The following SMYD3 variants were observed in gnomAD, a reference collection of about 807,000 sequenced individuals.
SMYD3 encodes the protein SET and MYND domain containing 3, also known as histone-lysine N-methyltransferase SMYD3.
In SMYD3, 36 loss-of-function variants were observed where a neutral mutation model predicts 57.7. The ratio of observed to expected loss-of-function variants is 0.62; its 90% CI spans 0.48 to 0.82. SMYD3 has a LOEUF of 0.82. Ranked by LOEUF, SMYD3 falls within the 40% of genes least tolerant of loss-of-function variation. The pLI, the probability that SMYD3 is intolerant of heterozygous loss-of-function variation, is 0.00. For synonymous variants in SMYD3, 211 were observed against 195.0 expected (o/e 1.08, Z -0.68); for missense variants, 515 against 538.8 (o/e 0.96, Z 0.44).
At chr1:246,326,530 T>C in intron 5 of SMYD3, 1 of 513,880 alleles carries the variant, frequency 1.9e-6, no homozygotes, top group East Asian at 3.2e-5. Context: ...TCCCAGCACT[T>C]TGGGAGGCCG....
intron 5 of SMYD3, among the ~76,000 whole-genome samples, chr1:246,045,816 A>G (rs2059953981): frequency 6.6e-6 from 1 of 152,030 alleles, no homozygotes; most frequent in African/African-American, 2.4e-5. Flanking sequence ...TGGGCAAAGG[A>G]TATGAACAGA....
intron 10 of SMYD3, among the ~76,000 whole-genome samples, chr1:245,830,179 T>C (rs1241802249): frequency 2.0e-5 from 3 of 152,212 alleles, no homozygotes; most frequent in African/African-American, 7.2e-5. Context: ...TAGTGGAAGA[T>C]GATCTCAGCA....
At chr1:246,253,158 G>A (rs76783715) in intron 5 of SMYD3, among the ~76,000 whole-genome samples, 4,580 of 152,154 alleles carry the variant, frequency 0.03, 306 homozygotes, top group East Asian at 0.24. Context: ...GGGTACATGC[G>A]CAGGTTTGTT....
chr1:246,374,644 C>A (rs533366003), intron 1 of SMYD3, among the ~76,000 whole-genome samples: 2 of 152,234 alleles, frequency 1.3e-5, no homozygotes, highest in East Asian at 3.9e-4. Flanking sequence ...GTGCTGCTGA[C>A]CCTGAGTTCA....
rs1008429646 is a variant in SMYD3, at chr1:246,327,964, C to T, written c.395-627G>A. ...ACCCCAACACTTTGGGAGGCCAAGA[C>T]GGGCAGATCACTTGAGGTCAGTAGT... On this transcript the variant is annotated intron_variant, in intron 4 of 11. Coordinates refer to ENST00000490107, the MANE Select transcript of SMYD3 (RefSeq NM_001167740.2). Among the ~76,000 whole-genome samples the T allele has an allele frequency of 4.6e-5, 7 of 152,088 alleles. No individual in the cohort carries two copies. In the East Asian group the frequency reaches 9.6e-4, roughly 21 times the overall value.
rs6666645 is a variant in SMYD3 at position 246,407,146 on chromosome 1, C to T, written c.165-52052G>A. 3.4e-4 allele frequency among the ~76,000 whole-genome samples: 48 copies of T among 139,616 alleles called. 1 individual carries two copies. The highest frequency in any genetic ancestry group is 9.8e-4 in the African/African-American group (35 of 35,768). The allele number at this position is 139,616 out of a possible 152,430, so 91.6% of individuals were successfully genotyped here. The stretch of plus-strand genomic sequence containing the variant: ...TGAAGGAGACAAAGGTGCTTATATC[C>T]CACATTATCTGTCACAATCACATAC... On this transcript the variant is annotated intron_variant, in intron 1 of 11. Coordinates refer to ENST00000490107, the MANE Select transcript of SMYD3 (RefSeq NM_001167740.2).
intron 5 of SMYD3, among the ~76,000 whole-genome samples, chr1:246,124,966 GA>G (rs1324928817): frequency 6.6e-6 from 1 of 152,014 alleles, no homozygotes; most frequent in African/African-American, 2.4e-5. Context: ...CAGCTACTGG[GA>G]AGGCTGAGGC....
chr1:245,837,744 G>A (rs1018789228), intron 10 of SMYD3, among the ~76,000 whole-genome samples: 2 of 151,996 alleles, frequency 1.3e-5, no homozygotes, highest in African/African-American at 2.4e-5. Context: ...GTCCACCCCC[G>A]GGGAATTCAG....
intron 1 of SMYD3, among the ~76,000 whole-genome samples, chr1:246,438,137 T>C (rs536974216): frequency 3.3e-5 from 5 of 152,156 alleles, no homozygotes; most frequent in African/African-American, 1.2e-4. Flanking sequence ...AAAAAGGAGA[T>C]GCATGTTAAG....
At position 245,927,983 on chromosome 1, in the gene SMYD3, T is replaced by A; in HGVS notation, c.650A>T (p.Asn217Ile). Reference protein sequence around the residue: ...SCDPNCSIVFNGPHLLLRAVR... With the variant: ...SCDPNCSIVFIGPHLLLRAVR... Reference sequence around the variant, plus strand: ...TGCTCGCAGTAAGAGGTGGGGCCCATTGAACACAATCGAACAGTTGGGGTC... The same window carrying A: ...TGCTCGCAGTAAGAGGTGGGGCCCAATGAACACAATCGAACAGTTGGGGTC... The change falls in exon 7 of 12, where the codon AAT becomes ATT. Residue 217 changes from asparagine to isoleucine, a missense_variant. Coordinates refer to ENST00000490107, the MANE Select transcript of SMYD3 (RefSeq NM_001167740.2). 6.2e-7 allele frequency: 1 copy of A among 1,612,894 alleles called. No individual in the cohort carries two copies. The highest frequency in any genetic ancestry group is 8.5e-7 in the Non-Finnish European group (1 of 1,179,314).
chr1:246,429,744 C>T (rs573282551), intron 1 of SMYD3, among the ~76,000 whole-genome samples: 12 of 152,334 alleles, frequency 7.9e-5, no homozygotes, highest in Admixed American at 3.3e-4. Context: ...CTGGGTCCTA[C>T]AAGGGAAAAT....
rs541328613 is a variant in SMYD3, at chr1:246,338,781, A to G, written c.229-3307T>C. ...GTATTTATAACAGTTCACGACATAA[A>G]CTCATTAACCACACCAGTAGTTCTC... On this transcript the variant is annotated intron_variant, in intron 2 of 11. Coordinates refer to ENST00000490107, the MANE Select transcript of SMYD3 (RefSeq NM_001167740.2). Among the ~76,000 whole-genome samples, 5 of 152,294 alleles carry G rather than the reference A, an allele frequency of 3.3e-5. No homozygotes were observed. In the South Asian group the frequency reaches 6.2e-4, roughly 19 times the overall value.
At chr1:246,094,350 C>T (rs577227027) in intron 5 of SMYD3, among the ~76,000 whole-genome samples, 1 of 152,154 alleles carries the variant, frequency 6.6e-6, no homozygotes, top group Non-Finnish European at 1.5e-5. Context: ...CAGCAGTCTA[C>T]CCAGCAGTAT....
intron 5 of SMYD3, among the ~76,000 whole-genome samples, chr1:246,110,207 T>G (rs1035999172): frequency 6.6e-6 from 1 of 152,208 alleles, no homozygotes; most frequent in African/African-American, 2.4e-5. Context: ...GAAATCAGGT[T>G]CTGTCTTGGC....
intron 10 of SMYD3, chr1:245,788,767 C>A (rs2047150148): frequency 6.6e-6 from 1 of 152,316 alleles, no homozygotes; most frequent in Admixed American, 6.5e-5. Flanking sequence ...CCCACTCCCA[C>A]ATTCTTCGTT....
At chr1:246,085,401 A>C (rs927560081) in intron 5 of SMYD3, among the ~76,000 whole-genome samples, 21 of 151,518 alleles carry the variant, frequency 1.4e-4, no homozygotes, top group Admixed American at 1.1e-3. Flanking sequence ...GGATTTGAGA[A>C]AACAGACCTT....
At chr1:246,324,164 C>T (rs1178718984) in intron 5 of SMYD3, among the ~76,000 whole-genome samples, 1 of 152,068 alleles carries the variant, frequency 6.6e-6, no homozygotes, top group Non-Finnish European at 1.5e-5. Flanking sequence ...TCTGTAATCC[C>T]AGCACGTTGG....
intron 10 of SMYD3, among the ~76,000 whole-genome samples, chr1:245,768,962 A>G (rs112003654): frequency 7.9e-4 from 120 of 152,364 alleles, no homozygotes; most frequent in African/African-American, 2.6e-3. Context: ...AAACTAAGTT[A>G]ATACAATTAT....
chr1:246,076,772 G>A (rs2060556687), intron 5 of SMYD3, among the ~76,000 whole-genome samples: 1 of 151,446 alleles, frequency 6.6e-6, no homozygotes, highest in Non-Finnish European at 1.5e-5. Flanking sequence ...TTCACAATCA[G>A]TCAGTATTTA....
Sources: gnomAD v4.1 joint callset for allele counts (sites outside exome capture counted in the v4.1 genomes callset) on GRCh38, gnomAD v4.1.1 for gene constraint, MANE v1.5 for transcripts, NCBI Gene and HGNC (gene_info 2026-07-23, HGNC 2026-07-21) for gene names.